RALGPS1: variants seen among roughly 807,000 people sequenced by gnomAD.
RALGPS1 encodes the protein ras-specific guanine nucleotide-releasing factor RalGPS1.
In RALGPS1, 19 loss-of-function variants were observed where a neutral mutation model predicts 78.8. That is an observed-to-expected ratio of 0.24 (90% CI 0.17 to 0.35). The LOEUF is 0.35. Ranked by LOEUF, RALGPS1 falls within the 10% of genes least tolerant of loss-of-function variation. The pLI is 1.00. For synonymous variants in RALGPS1, 228 were observed against 256.3 expected (o/e 0.89, Z 1.06); for missense variants, 454 against 688.3 (o/e 0.66, Z 3.81).
intron 4 of RALGPS1, among the ~76,000 whole-genome samples, chr9:127,026,944 T>C (rs1353398489): frequency 6.6e-6 from 1 of 152,188 alleles, no homozygotes; most frequent in African/African-American, 2.4e-5. Flanking sequence ...GGGTGGATGC[T>C]AGCAGGCAGC....
At chr9:126,963,015 G>C (rs1230370281) in intron 2 of RALGPS1, among the ~76,000 whole-genome samples, 3 of 152,204 alleles carry the variant, frequency 2.0e-5, no homozygotes, top group Admixed American at 6.5e-5. Context: ...AAAGTCACAG[G>C]AATCAGTTAG....
intron 1 of RALGPS1, among the ~76,000 whole-genome samples, chr9:126,943,387 C>G (rs1165391526): frequency 6.6e-6 from 1 of 152,138 alleles, no homozygotes; most frequent in Non-Finnish European, 1.5e-5. Flanking sequence ...AAGTGATCTG[C>G]CCTCCTTGGC....
chr9:127,202,955 C>G (rs2061723443), intron 14 of RALGPS1, among the ~76,000 whole-genome samples: 1 of 152,152 alleles, frequency 6.6e-6, no homozygotes, highest in African/African-American at 2.4e-5. Context: ...GGGCTGTGGG[C>G]TTGTCAGGAT....
intron 8 of RALGPS1, chr9:127,094,010 T>C (rs2052814987): frequency 6.7e-7 from 1 of 1,485,558 alleles, no homozygotes; most frequent in Admixed American, 1.9e-5. Flanking sequence ...AGGCACAACC[T>C]CTGTTGAGGC....
At chr9:127,162,128 A>C (rs532832986) in intron 8 of RALGPS1, among the ~76,000 whole-genome samples, 15 of 152,334 alleles carry the variant, frequency 9.8e-5, no homozygotes, top group Admixed American at 9.8e-4. Context: ...GCCTTCTCTC[A>C]TGCATTCCTT....
At chr9:127,105,932 TGTATTGTATCCACAG>T (rs1291812280) in intron 8 of RALGPS1, among the ~76,000 whole-genome samples, 1 of 152,232 alleles carries the variant, frequency 6.6e-6, no homozygotes, top group African/African-American at 2.4e-5. Flanking sequence ...CATGCTTGAT[TGTATTGTATCCACAG>T]CATAACACTG....
At position 127,214,774 on chromosome 9, in the gene RALGPS1, G is replaced by T; in HGVS notation, c.1576G>T (p.Gly526Cys). 1 of 1,610,840 alleles carries T rather than the reference G, an allele frequency of 6.2e-7. No individual in the cohort carries two copies. Among genetic ancestry groups the T allele is most frequent in the Non-Finnish European group, 8.5e-7 (1 of 1,178,808 alleles). Reference protein sequence around the residue: ...DKGNVYKFQTGSRFHAILWHK... With the variant: ...DKGNVYKFQTCSRFHAILWHK... ...AGGCAATGTTTACAAGTTTCAGACT[G>T]GTTCCCGATTTCATGCAATACTGTG... is the stretch of plus-strand genomic sequence containing the variant. Residue 526 changes from glycine (G) to cysteine (C), a missense_variant, in exon 18 of 19, where the codon GGT (glycine) becomes TGT (cysteine). Gly to Cys is a radical substitution (Grantham distance 159). Transcript: ENST00000259351.
intron 4 of RALGPS1, among the ~76,000 whole-genome samples, chr9:127,014,167 TG>T (rs2044608990): frequency 6.6e-6 from 1 of 152,224 alleles, no homozygotes; most frequent in South Asian, 2.1e-4. Context: ...AACACTGCCA[TG>T]GTCTTGCTTC....
At chr9:127,071,818 AAATAT>A (rs1163745391) in intron 8 of RALGPS1, among the ~76,000 whole-genome samples, 1 of 152,222 alleles carries the variant, frequency 6.6e-6, no homozygotes, top group Non-Finnish European at 1.5e-5. Context: ...CAGTTTACTG[AAATAT>A]AATTAATACA....
At chr9:127,206,201 C>T (rs771416102) in intron 14 of RALGPS1, among the ~76,000 whole-genome samples, 2 of 152,204 alleles carry the variant, frequency 1.3e-5, no homozygotes, top group Non-Finnish European at 2.9e-5. Context: ...CTGGGCCCTT[C>T]CACATGTGCA....
chr9:127,136,166 C>G (rs950116346), intron 8 of RALGPS1, among the ~76,000 whole-genome samples: 1 of 152,126 alleles, frequency 6.6e-6, no homozygotes, highest in Non-Finnish European at 1.5e-5. Flanking sequence ...CACAAATGCC[C>G]GAAGGCCCAG....
chr9:126,921,281 C>CT (rs896922556), intron 1 of RALGPS1, among the ~76,000 whole-genome samples: 3 of 152,224 alleles, frequency 2.0e-5, no homozygotes, highest in African/African-American at 7.2e-5. Context: ...ACCTTCCTCA[C>CT]TAGCCCTGTG....
intron 8 of RALGPS1, among the ~76,000 whole-genome samples, chr9:127,138,680 A>T (rs932616111): frequency 1.3e-5 from 2 of 152,178 alleles, no homozygotes; most frequent in South Asian, 2.1e-4. Flanking sequence ...GTCTAGGTCC[A>T]CATCTCCACA....
chr9:127,045,248 A>G (rs909156066), intron 5 of RALGPS1, among the ~76,000 whole-genome samples: 1 of 152,238 alleles, frequency 6.6e-6, no homozygotes, highest in Admixed American at 6.5e-5. Flanking sequence ...TTTGTTACGT[A>G]TAATATTACA....
intron 5 of RALGPS1, among the ~76,000 whole-genome samples, chr9:127,036,230 G>A (rs3936030): frequency 0.38 from 57,909 of 152,188 alleles, 12,737 homozygotes; most frequent in Non-Finnish European, 0.48. Flanking sequence ...AGAGCCAGCA[G>A]CTTCTGGACA....
At chr9:126,987,868 G>A (rs1403167262) in intron 4 of RALGPS1, among the ~76,000 whole-genome samples, 1 of 152,162 alleles carries the variant, frequency 6.6e-6, no homozygotes, top group East Asian at 1.9e-4. Flanking sequence ...TAAACAAGAA[G>A]TGTTCAGGGG....
Position 127,222,568 on chromosome 9 carries a change from C to G in RALGPS1, c.*3799C>G, listed in dbSNP as rs566677959. On this transcript the variant is annotated 3_prime_UTR_variant, in exon 19 of 19. Transcript: ENST00000259351. ...CATGGACTTCAGACCGCCTTGCAGC[C>G]GTATGCTGCACAAGCGTGTACACCC... 3 of 152,352 alleles carry G rather than the reference C, an allele frequency of 2.0e-5. No homozygotes were observed. In the East Asian group the frequency reaches 5.8e-4, roughly 29 times the overall value. The allele number at this position is 152,352 out of a possible 1,614,324, so 9.4% of individuals were successfully genotyped here. A position where few individuals can be genotyped will look rare whatever the true frequency, so the allele number is the denominator to read the frequency against.
chr9:127,168,863 G>A, intron 10 of RALGPS1, 91 bp downstream of exon 10: 1 of 1,042,958 alleles, frequency 9.6e-7, no homozygotes, highest in South Asian at 1.3e-5. Context: ...CCCTTGTTGG[G>A]ACCAGTGAGT....
chr9:126,935,844 CT>C (rs1244982927), intron 1 of RALGPS1, among the ~76,000 whole-genome samples: 2 of 152,218 alleles, frequency 1.3e-5, no homozygotes, highest in Non-Finnish European at 2.9e-5. Context: ...GTCTCTGGCT[CT>C]AGAAGTGGAG....
Sources: allele counts gnomAD v4.1 joint callset (sites outside exome capture counted in the v4.1 genomes callset), GRCh38; gene constraint gnomAD v4.1.1; transcripts MANE v1.5; gene names NCBI Gene and HGNC (gene_info 2026-07-23, HGNC 2026-07-21).